Variants in KCNMA1 observed in about 807,000 individuals in gnomAD.
KCNMA1 encodes the protein potassium calcium-activated channel subfamily M alpha 1.
A neutral mutation model predicts 140.0 loss-of-function variants in KCNMA1; 29 were observed. That is an observed-to-expected ratio of 0.21 (90% CI 0.15 to 0.28). The LOEUF (loss-of-function observed/expected upper bound fraction) is 0.28. Among genes scored for constraint, KCNMA1 ranks in the 10% least tolerant of loss-of-function variants. The pLI, the probability that KCNMA1 is intolerant of heterozygous loss-of-function variation, is 1.00. For synonymous variants in KCNMA1, 612 were observed against 611.9 expected, an observed-to-expected ratio of 1.00 and a Z score of 0.00; for missense variants, 880 against 1,602.2, an observed-to-expected ratio of 0.55 and a Z score of 7.70.
intron 1 of KCNMA1, among the ~76,000 whole-genome samples, chr10:77,614,977 G>A (rs1406611108): frequency 6.6e-6 from 1 of 152,234 alleles, no homozygotes; most frequent in Non-Finnish European, 1.5e-5. Context: ...AGAAGACCCG[G>A]AAGTCTTCAT....
chr10:77,451,977 C>T (rs950796243), intron 1 of KCNMA1, among the ~76,000 whole-genome samples: 4 of 152,200 alleles, frequency 2.6e-5, no homozygotes, highest in Admixed American at 2.6e-4. Context: ...TCTCTTTCCT[C>T]CTGCAAACTT....
intron 2 of KCNMA1, among the ~76,000 whole-genome samples, chr10:77,371,425 C>T (rs563542095): frequency 6.6e-6 from 1 of 152,302 alleles, no homozygotes; most frequent in East Asian, 1.9e-4. Context: ...AAGTTTCCCC[C>T]CAGGCCCCAT....
At chr10:77,547,807 G>A (rs1449960887) in intron 1 of KCNMA1, among the ~76,000 whole-genome samples, 1 of 152,148 alleles carries the variant, frequency 6.6e-6, no homozygotes, top group Non-Finnish European at 1.5e-5. Flanking sequence ...TTTACAACAG[G>A]AGTCAGCAAA....
At chr10:77,485,257 T>A (rs1458914464) in intron 1 of KCNMA1, among the ~76,000 whole-genome samples, 3 of 152,226 alleles carry the variant, frequency 2.0e-5, no homozygotes, top group African/African-American at 4.8e-5. Flanking sequence ...TGCACACAGA[T>A]GTAATCATTT....
chr10:76,883,065 C>A (rs550269927), downstream of KCNMA1, among the ~76,000 whole-genome samples: 5 of 152,236 alleles, frequency 3.3e-5, no homozygotes, highest in African/African-American at 1.2e-4. Flanking sequence ...AAGAGCCAGA[C>A]AAAAGCTTTT....
intron 16 of KCNMA1, chr10:77,019,615 GA>G (rs1346042448): frequency 6.5e-6 from 1 of 154,054 alleles, no homozygotes; most frequent in Admixed American, 6.4e-5. Flanking sequence ...AACCAATGCG[GA>G]AGCAAGCTGA....
At chr10:77,323,399 G>C (rs2082931539) in intron 2 of KCNMA1, among the ~76,000 whole-genome samples, 1 of 152,182 alleles carries the variant, frequency 6.6e-6, no homozygotes, top group Non-Finnish European at 1.5e-5. Context: ...AGTTTGAAGT[G>C]GGGGGCAAAT....
At chr10:77,595,406 T>C (rs1244634133) in intron 1 of KCNMA1, among the ~76,000 whole-genome samples, 1 of 148,878 alleles carries the variant, frequency 6.7e-6, no homozygotes, top group Non-Finnish European at 1.5e-5. Context: ...TTCCTCATAA[T>C]TCTTCCACCC....
At chr10:77,122,272 T>C (rs11002024) in intron 5 of KCNMA1, among the ~76,000 whole-genome samples, 3,268 of 152,234 alleles carry the variant, frequency 0.021, 56 homozygotes, top group South Asian at 0.051. Context: ...GAGAAAAGGA[T>C]TGGCTCAAAA....
intron 1 of KCNMA1, among the ~76,000 whole-genome samples, chr10:77,624,746 C>T (rs1007969850): frequency 3.3e-5 from 5 of 152,086 alleles, no homozygotes; most frequent in African/African-American, 7.2e-5. Flanking sequence ...AGTCACTTGT[C>T]ATATGTCAAA....
chr10:77,183,961 T>C (rs971059347), intron 4 of KCNMA1, among the ~76,000 whole-genome samples: 1 of 152,194 alleles, frequency 6.6e-6, no homozygotes, highest in Admixed American at 6.5e-5. Context: ...AGTGTATTTT[T>C]CTGTGGTTCC....
chr10:77,637,666 A>G lies in KCNMA1; in HGVS notation c.-24T>C. On this transcript the variant is annotated 5_prime_UTR_variant, in exon 1 of 28. Coordinates refer to ENST00000286628, the MANE Select transcript of KCNMA1 (RefSeq NM_001161352.2). ...ATAGCTAGCAACGGGCAGCCGGCGC[A>G]GGGGCTCGGGGGAGCTCCTCCCGCC... 1 of 1,485,636 alleles carries G rather than the reference A, an allele frequency of 6.7e-7. No individual in the cohort carries two copies. Among genetic ancestry groups the G allele is most frequent in the Non-Finnish European group, 8.9e-7 (1 of 1,125,916 alleles). The allele number at this position is 1,485,636 out of a possible 1,614,324, so 92.0% of individuals were successfully genotyped here. A position where few individuals can be genotyped will look rare whatever the true frequency, so the allele number is the denominator to read the frequency against.
chr10:77,193,342 G>A (rs2039255325), intron 3 of KCNMA1, among the ~76,000 whole-genome samples: 2 of 152,154 alleles, frequency 1.3e-5, no homozygotes, highest in South Asian at 4.1e-4. Context: ...ATAAATCAGA[G>A]CTAAGCTACT....
At chr10:77,182,306 C>T (rs1171774038) in intron 5 of KCNMA1, among the ~76,000 whole-genome samples, 3 of 152,178 alleles carry the variant, frequency 2.0e-5, no homozygotes, top group South Asian at 2.1e-4. Context: ...GCTGAATATA[C>T]TGCGATACAA....
chr10:77,578,528 ACT>A (rs2074939417), intron 1 of KCNMA1, among the ~76,000 whole-genome samples: 3 of 152,260 alleles, frequency 2.0e-5, no homozygotes, highest in African/African-American at 7.2e-5. Context: ...AGGGAGGAGG[ACT>A]CTGACTTGAA....
rs1253096231 is a variant in KCNMA1 at position 77,212,655 on chromosome 10, CCTT to C, written c.603-27742_603-27740del. On this transcript the variant is annotated intron_variant, in intron 3 of 27. Coordinates refer to ENST00000286628, the MANE Select transcript of KCNMA1 (RefSeq NM_001161352.2). ...CCAATTTGTTATATTCTCTCTCTCT[CCTT>C]CTCTCCCTCCCCTGCTCAGTGTCTC... Among the ~76,000 whole-genome samples, 5 of 152,232 alleles carry C rather than the reference CCTT, an allele frequency of 3.3e-5. No individual in the cohort carries two copies. In the East Asian group the frequency reaches 9.6e-4, roughly 29 times the overall value.
At chr10:77,231,410 T>G (rs947544351) in intron 3 of KCNMA1, among the ~76,000 whole-genome samples, 5 of 152,228 alleles carry the variant, frequency 3.3e-5, no homozygotes, top group South Asian at 4.1e-4. Context: ...TTTGTGTGCA[T>G]GTATGATGAA....
chr10:76,953,759 G>C (rs1591796106), intron 21 of KCNMA1, 42 bp downstream of exon 21: 2 of 1,613,420 alleles, frequency 1.2e-6, no homozygotes, highest in Admixed American at 1.7e-5. Flanking sequence ...ATGTGGTTTG[G>C]GGCAGAAGCG....
chr10:77,184,713 G>T, intron 4 of KCNMA1, 110 bp downstream of exon 4: 1 of 792,180 alleles, frequency 1.3e-6, no homozygotes, highest in Non-Finnish European at 2.3e-6. Flanking sequence ...CGGGTGCGCT[G>T]TTTCTCCTGG....
Sources: allele counts gnomAD v4.1 joint callset (sites outside exome capture counted in the v4.1 genomes callset), GRCh38; gene constraint gnomAD v4.1.1; transcripts MANE v1.5; gene names NCBI Gene and HGNC (gene_info 2026-07-23, HGNC 2026-07-21).